HMCN1: variants seen among roughly 807,000 people sequenced by gnomAD.
HMCN1 encodes hemicentin-1.
Under a neutral mutation model 625.9 loss-of-function variants are expected in HMCN1, and 321 were observed. The ratio of observed to expected loss-of-function variants is 0.51; its 90% confidence interval spans 0.47 to 0.56. HMCN1 has a LOEUF of 0.56. Among genes scored for constraint, HMCN1 ranks in the 20% least tolerant of loss-of-function variants. HMCN1 has a pLI of 0.00. For synonymous variants in HMCN1, 2,425 were observed against 2,417.6 expected (o/e 1.00, Z -0.09); for missense variants, 6,588 against 6,887.3 (o/e 0.96, Z 1.54).
chr1:185,909,196 C>T (rs1666272212), intron 4 of HMCN1, 141 bp from the exon 5 acceptor site: 5 of 663,770 alleles, frequency 7.5e-6, no homozygotes, highest in Non-Finnish European at 8.1e-6. Context: ...AGAGTCCTAT[C>T]TTCAGTAATG....
chr1:185,860,347 A>G (rs980115758), intron 2 of HMCN1, among the ~76,000 whole-genome samples: 2 of 152,150 alleles, frequency 1.3e-5, no homozygotes, highest in African/African-American at 2.4e-5. Flanking sequence ...AGTCATTTTT[A>G]TTATAAAGAC....
intron 1 of HMCN1, among the ~76,000 whole-genome samples, chr1:185,819,675 C>G (rs536788439): frequency 2.0e-5 from 3 of 152,122 alleles, no homozygotes; most frequent in East Asian, 1.9e-4. Context: ...CAATATTTTA[C>G]TTAAAAAAGT....
chr1:186,010,023 C>G (rs1255704823), intron 30 of HMCN1, among the ~76,000 whole-genome samples: 2 of 152,116 alleles, frequency 1.3e-5, no homozygotes, highest in African/African-American at 4.8e-5. Context: ...GTTGAGATGA[C>G]AGGAGACAGA....
intron 48 of HMCN1, among the ~76,000 whole-genome samples, chr1:186,063,447 AGAGAAGGAAGGAAG>A: frequency 9.2e-6 from 1 of 108,252 alleles, no homozygotes; most frequent in South Asian, 3.7e-4. Flanking sequence ...AGGGACGGAG[AGAGAAGGAAGGAAG>A]GAAGGAAGGA....
At chr1:186,026,206 C>A (rs986116720) in intron 36 of HMCN1, among the ~76,000 whole-genome samples, 3 of 152,142 alleles carry the variant, frequency 2.0e-5, no homozygotes, top group Admixed American at 2.0e-4. Context: ...GTAGGAATTT[C>A]TAAGAGACTG....
intron 35 of HMCN1, among the ~76,000 whole-genome samples, chr1:186,020,796 G>T (rs545362405): frequency 6.6e-6 from 1 of 152,208 alleles, no homozygotes; most frequent in South Asian, 2.1e-4. Context: ...TAAAGCAAAG[G>T]TGATCATGGC....
chr1:185,938,918 G>GA (rs1215230406), intron 11 of HMCN1, among the ~76,000 whole-genome samples: 1 of 150,930 alleles, frequency 6.6e-6, no homozygotes, highest in Non-Finnish European at 1.5e-5. Flanking sequence ...AAGTAGTTTT[G>GA]AAAAAAAAGG....
Position 186,067,975 on chromosome 1 carries a change from T to C in HMCN1, c.7847T>C (p.Leu2616Ser). 2 of 1,613,822 alleles carry C rather than the reference T, an allele frequency of 1.2e-6. No individual in the cohort carries two copies. Among genetic ancestry groups the C allele is most frequent in the Non-Finnish European group, 8.5e-7 (1 of 1,179,764 alleles). The change falls in exon 50 of 107, where the codon TTA becomes TCA. Residue 2616 changes from leucine (L) to serine (S), a missense_variant. Coordinates refer to ENST00000271588, the MANE Select transcript of HMCN1 (RefSeq NM_031935.3). ...ACCTGGTTTAAGGATGGCACTCCTT[T>C]AGAATCTAACCGAAATATTCGTATT... ...TITWFKDGTPLESNRNIRILP... is the reference protein window; with the variant it reads ...TITWFKDGTPSESNRNIRILP...
intron 97 of HMCN1, among the ~76,000 whole-genome samples, chr1:186,162,630 C>A: frequency 2.0e-5 from 3 of 152,192 alleles, no homozygotes; most frequent in Non-Finnish European, 4.4e-5. Context: ...TTCCTTCTAA[C>A]AGACAGGACC....
intron 1 of HMCN1, among the ~76,000 whole-genome samples, chr1:185,773,870 G>A (rs944792365): frequency 3.9e-5 from 6 of 152,108 alleles, no homozygotes; most frequent in Admixed American, 2.0e-4. Flanking sequence ...TGGAATTGGC[G>A]ATCTAGTCCA....
chr1:186,026,485 G>A (rs1289570950), intron 36 of HMCN1, among the ~76,000 whole-genome samples: 1 of 152,098 alleles, frequency 6.6e-6, no homozygotes, highest in Non-Finnish European at 1.5e-5. Flanking sequence ...GTTGCTCTTC[G>A]AATGCTCCCA....
Position 186,001,390 on chromosome 1 carries a change from C to T in HMCN1, c.4162C>T (p.Pro1388Ser), listed in dbSNP as rs149646222. The T allele has an allele frequency of 2.5e-6, 4 of 1,612,036 alleles. No individual in the cohort carries two copies. In the African/African-American group the frequency reaches 5.3e-5, roughly 22 times the overall value. ...TNLFCEVEGT[P>S]SPIIMWYKDN... ...TCTCTTCTGTGAAGTGGAAGGCACT[C>T]CATCTCCCATCATTATGTGGTATAA... The change falls in exon 27 of 107, where the codon CCA becomes TCA. Residue 1388 changes from proline (P) to serine (S), a missense_variant. Pro to Ser is a moderately conservative substitution (Grantham distance 74). Around this residue, in one of 3 missense-constraint regions of HMCN1, gnomAD observed 4,628 missense variants for 4,853.1 expected, o/e 0.95. Coordinates refer to ENST00000271588, the MANE Select transcript of HMCN1 (RefSeq NM_031935.3).
chr1:185,815,316 G>A (rs1362816573), intron 1 of HMCN1, among the ~76,000 whole-genome samples: 2 of 149,984 alleles, frequency 1.3e-5, no homozygotes, highest in South Asian at 2.1e-4. Context: ...TCATCCTAAA[G>A]TTTAGTTTTT....
In HMCN1 at chr1:186,151,593, T is replaced by C. The variant is rs1650667601; in HGVS notation, c.14759-13T>C. ...ATTTTGCTATCACCTTATTTATCCT[T>C]TTTTTTCTTTAGGTTCAGCAATGAG... On this transcript the variant is annotated splice_polypyrimidine_tract_variant and intron_variant, in intron 94 of 106. Transcript: ENST00000271588. 3 of 1,609,062 alleles carry C rather than the reference T, an allele frequency of 1.9e-6. No homozygotes were observed. Among genetic ancestry groups the C allele is most frequent in the Non-Finnish European group, 2.5e-6 (3 of 1,176,830 alleles).
At chr1:186,132,688 T>C (rs186640387) in intron 86 of HMCN1, among the ~76,000 whole-genome samples, 245 of 152,150 alleles carry the variant, frequency 1.6e-3, no homozygotes, top group Non-Finnish European at 2.6e-3. Flanking sequence ...AGGGTACATG[T>C]GCACAACGTG....
intron 1 of HMCN1, among the ~76,000 whole-genome samples, chr1:185,833,060 T>C (rs1660962138): frequency 6.6e-6 from 1 of 152,220 alleles, no homozygotes; most frequent in African/African-American, 2.4e-5. Context: ...GTAGCATTTA[T>C]TTCAACTTGT....
At chr1:186,063,442 C>T (rs12091520) in intron 48 of HMCN1, among the ~76,000 whole-genome samples, 4 of 96,292 alleles carry the variant, frequency 4.2e-5, no homozygotes, top group African/African-American at 8.3e-5. Flanking sequence ...GAGGGAGGGA[C>T]GGAGAGAGAA....
intron 89 of HMCN1, among the ~76,000 whole-genome samples, chr1:186,142,535 C>G (rs578258826): frequency 6.6e-6 from 1 of 152,288 alleles, no homozygotes; most frequent in African/African-American, 2.4e-5. Context: ...AGTGGGATTG[C>G]AGGGTCAAAT....
Position 186,082,931 on chromosome 1 carries a change from G to A in HMCN1, c.8854G>A (p.Ala2952Thr), listed in dbSNP as rs753402501. Residue 2952 changes from alanine to threonine, a missense_variant, in exon 57 of 107, where the codon GCC (alanine) becomes ACC (threonine). Ala to Thr is a moderately conservative substitution (Grantham distance 58). Coordinates refer to ENST00000271588, the MANE Select transcript of HMCN1 (RefSeq NM_031935.3). The stretch of plus-strand genomic sequence containing the variant: ...TGTTGCTGAGAACACAGCTGGGAGT[G>A]CCAAAAAATATTTTAACCTCAATGT... ...VCVAENTAGS[A>T]KKYFNLNVHV... The A allele has an allele frequency of 1.3e-6, 2 of 1,591,260 alleles. No homozygotes were observed. Among genetic ancestry groups the A allele is most frequent in the South Asian group, 2.3e-5 (2 of 87,256 alleles).
Sources: allele counts gnomAD v4.1 joint callset (sites outside exome capture counted in the v4.1 genomes callset), GRCh38; gene constraint gnomAD v4.1.1; regional missense constraint gnomAD v4.1.1; transcripts MANE v1.5; gene names NCBI Gene and HGNC (gene_info 2026-07-23, HGNC 2026-07-21).